The following DACH2 variants were observed in gnomAD, a reference collection of about 807,000 sequenced individuals.
DACH2 encodes dachshund family transcription factor 2.
A neutral mutation model predicts 35.8 loss-of-function variants in DACH2; 17 were observed. That is an observed-to-expected ratio of 0.48 (90% CI 0.33 to 0.71). DACH2 has a LOEUF of 0.71. DACH2 is among the 30% of genes least tolerant of loss of function. The probability of loss-of-function intolerance (pLI) is 0.02; values close to 1 mark genes in which losing one functional copy is unlikely to be tolerated. For synonymous variants in DACH2, 195 were observed against 177.3 expected (o/e 1.10, Z -0.79); for missense variants, 469 against 472.7 (o/e 0.99, Z 0.07).
chrX:86,276,951 T>C (rs2033926795), intron 1 of DACH2, among the ~76,000 whole-genome samples: 1 of 111,724 alleles, frequency 9.0e-6, no homozygotes, highest in South Asian at 3.7e-4. Context: ...ATAAAATTTG[T>C]AGTTGGGTAA....
intron 1 of DACH2, among the ~76,000 whole-genome samples, chrX:86,328,558 T>C (rs2035156712): frequency 8.9e-6 from 1 of 111,820 alleles, no homozygotes; most frequent in South Asian, 3.7e-4. Context: ...TCTGAATATG[T>C]TTACTTCAGC....
intron 7 of DACH2, among the ~76,000 whole-genome samples, chrX:86,766,434 C>T (rs1343261): frequency 0.16 from 17,722 of 111,063 alleles, 1,221 homozygotes; most frequent in South Asian, 0.42. Flanking sequence ...AAGCTAACAG[C>T]GTGATGTCAG....
chrX:86,192,471 G>A (rs1372095111), intron 1 of DACH2, among the ~76,000 whole-genome samples: 1 of 111,969 alleles, frequency 8.9e-6, no homozygotes, highest in Admixed American at 9.5e-5. Flanking sequence ...TAGTGTATGT[G>A]TATGTGTATG....
Position 86,775,239 on chromosome X carries a change from G to C in DACH2, c.1240+35357G>C, listed in dbSNP as rs146664018. Reference sequence around the variant, plus strand: ...AGGAAGAATATGTTGTGTTTAAATAGAGTGAAGATATGAGGTGTTTTAGTT... The same window carrying C: ...AGGAAGAATATGTTGTGTTTAAATACAGTGAAGATATGAGGTGTTTTAGTT... On this transcript the variant is annotated intron_variant, in intron 7 of 11. Transcript: ENST00000373125. Among the ~76,000 whole-genome samples the C allele has an allele frequency of 5.1e-3, 570 of 111,306 alleles. 1 individual carries two copies. Among genetic ancestry groups the C allele is most frequent in the African/African-American group, 0.018 (549 of 30,627 alleles).
At chrX:86,681,205 GCAGA>G (rs1482040857) in intron 4 of DACH2, among the ~76,000 whole-genome samples, 3 of 111,648 alleles carry the variant, frequency 2.7e-5, no homozygotes, top group Middle Eastern at 4.7e-3. Context: ...GTCAAGAAAA[GCAGA>G]CAATCTTATT....
chrX:86,613,499 A>T (rs754902160), intron 3 of DACH2, among the ~76,000 whole-genome samples: 2 of 111,963 alleles, frequency 1.8e-5, no homozygotes, highest in African/African-American at 3.2e-5. Flanking sequence ...AACCAATTAT[A>T]AATTTTTTTG....
chrX:86,609,519 C>T (rs2148366588), intron 3 of DACH2, among the ~76,000 whole-genome samples: 1 of 111,847 alleles, frequency 8.9e-6, no homozygotes, highest in Non-Finnish European at 1.9e-5. Context: ...TATCTTTATA[C>T]TTGTCGGTGT....
intron 3 of DACH2, among the ~76,000 whole-genome samples, chrX:86,619,752 G>A (rs890921688): frequency 2.7e-5 from 3 of 112,064 alleles, no homozygotes; most frequent in Non-Finnish European, 3.8e-5. Flanking sequence ...TCTTGGGGCA[G>A]ATAATATGGC....
intron 9 of DACH2, among the ~76,000 whole-genome samples, chrX:86,814,044 T>C (rs780047098): frequency 9.0e-6 from 1 of 111,147 alleles, no homozygotes; most frequent in South Asian, 3.8e-4. Flanking sequence ...GGAACCACCA[T>C]TGTATATGCG....
At chrX:86,784,263 GT>G (rs746626433) in intron 7 of DACH2, among the ~76,000 whole-genome samples, 1 of 107,639 alleles carries the variant, frequency 9.3e-6, no homozygotes, top group South Asian at 3.9e-4. Flanking sequence ...TATAAGGAAT[GT>G]AAACAGATTA....
intron 7 of DACH2, among the ~76,000 whole-genome samples, chrX:86,762,110 A>T (rs1296947808): frequency 9.0e-6 from 1 of 111,599 alleles, no homozygotes; most frequent in Non-Finnish European, 1.9e-5. Flanking sequence ...CTTTTAAAGG[A>T]CTTTGTGTTT....
At chrX:86,445,474 A>AT (rs2037248652) in intron 2 of DACH2, among the ~76,000 whole-genome samples, 1 of 94,984 alleles carries the variant, frequency 1.1e-5, no homozygotes, top group Non-Finnish European at 2.1e-5. Context: ...TAACCTGCAC[A>AT]ATGTGCACAT....
chrX:86,371,981 T>C (rs894403877), intron 1 of DACH2, among the ~76,000 whole-genome samples: 1 of 111,192 alleles, frequency 9.0e-6, no homozygotes, highest in Non-Finnish European at 1.9e-5. Context: ...CTAAAAGATA[T>C]TACCTGTGTG....
intron 4 of DACH2, among the ~76,000 whole-genome samples, chrX:86,658,559 G>A (rs1247367660): frequency 9.0e-6 from 1 of 111,217 alleles, no homozygotes; most frequent in Non-Finnish European, 1.9e-5. Context: ...GAATAACAAC[G>A]TGTTCATGTT....
intron 1 of DACH2, among the ~76,000 whole-genome samples, chrX:86,303,946 A>G (rs2034625690): frequency 9.0e-6 from 1 of 111,535 alleles, no homozygotes; most frequent in South Asian, 3.8e-4. Flanking sequence ...TGAGTAGAAC[A>G]AAGCTGGAGG....
chrX:86,526,726 A>G (rs1461916702), intron 3 of DACH2, among the ~76,000 whole-genome samples: 2 of 109,372 alleles, frequency 1.8e-5, no homozygotes, highest in Non-Finnish European at 3.8e-5. Flanking sequence ...TGCTTTTTGA[A>G]ACACTGTGTT....
chrX:86,430,189 C>T (rs1295211093), intron 2 of DACH2, among the ~76,000 whole-genome samples: 1 of 111,867 alleles, frequency 8.9e-6, no homozygotes, highest in Non-Finnish European at 1.9e-5. Context: ...GCTTGTATTA[C>T]AGTCTTGTAT....
At chrX:86,750,148 A>G in intron 7 of DACH2, among the ~76,000 whole-genome samples, 1 of 111,116 alleles carries the variant, frequency 9.0e-6, no homozygotes, top group East Asian at 2.8e-4. Context: ...ACATGGTGAG[A>G]GTGAATATCC....
At chrX:86,203,484 C>T (rs1413965993) in intron 1 of DACH2, among the ~76,000 whole-genome samples, 1 of 110,982 alleles carries the variant, frequency 9.0e-6, no homozygotes, top group Non-Finnish European at 1.9e-5. Context: ...TTATTTTTTA[C>T]ATCGACATAT....
Sources: allele counts gnomAD v4.1 joint callset (sites outside exome capture counted in the v4.1 genomes callset), GRCh38; gene constraint gnomAD v4.1.1; transcripts MANE v1.5; gene names NCBI Gene and HGNC (gene_info 2026-07-23, HGNC 2026-07-21).